SPRY3: variants seen among roughly 807,000 people sequenced by gnomAD.
SPRY3 encodes the protein sprouty RTK signaling antagonist 3, also known as protein sprouty homolog 3.
SPRY3 carries 15 observed loss-of-function variants against 20.2 expected under a neutral mutation model. The ratio of observed to expected loss-of-function variants is 0.74; its 90% confidence interval spans 0.50 to 1.14. The LOEUF (loss-of-function observed/expected upper bound fraction) is 1.14. Among genes scored for constraint, SPRY3 ranks in the 50% most tolerant of loss-of-function variants. SPRY3 has a pLI of 0.00. For missense variants in SPRY3, 364 were observed against 363.9 expected (o/e 1.00, Z 0.00); for synonymous variants, 143 against 136.5 (o/e 1.05, Z -0.33).
At chrX:155,658,834 C>T (rs2067999957) in intron 2 of SPRY3, among the ~76,000 whole-genome samples, 1 of 111,725 alleles carries the variant, frequency 9.0e-6, no homozygotes, top group Admixed American at 9.5e-5. Context: ...TTATATATGG[C>T]TTTAATTATT....
chrX:155,637,980 T>G (rs1220077817), intron 1 of SPRY3, among the ~76,000 whole-genome samples: 20 of 108,014 alleles, frequency 1.9e-4, no homozygotes, highest in Non-Finnish European at 3.3e-4. Context: ...AGGGTTGTTT[T>G]TTTTTTTTTT....
intron 2 of SPRY3, among the ~76,000 whole-genome samples, chrX:155,752,236 A>G (rs1342602003): frequency 6.6e-6 from 1 of 151,520 alleles, no homozygotes; most frequent in Non-Finnish European, 1.5e-5. Context: ...GCTCTATTGG[A>G]TCGCTAACTC....
At chrX:155,631,773 A>G (rs781833763) in intron 1 of SPRY3, among the ~76,000 whole-genome samples, 2 of 109,958 alleles carry the variant, frequency 1.8e-5, no homozygotes, top group South Asian at 7.6e-4. Flanking sequence ...TTTATTTTTT[A>G]TTGTTAATTT....
downstream of SPRY3, chrX:155,781,071 G>A (rs2091460383): frequency 6.0e-6 from 1 of 166,090 alleles, no homozygotes; most frequent in Non-Finnish European, 1.5e-5. Context: ...GTCGGGGGAG[G>A]AGAAAGGGAG....
intron 2 of SPRY3, among the ~76,000 whole-genome samples, chrX:155,751,930 A>AAATAAAATAAAATAAAAT (rs2091264256): frequency 3.8e-5 from 1 of 26,424 alleles, no homozygotes. Flanking sequence ...AAGGGAAATA[A>AAATAAAATAAAATAAAAT]AATAAAATAA....
chrX:155,672,073 G>T (rs187473955), intron 2 of SPRY3, among the ~76,000 whole-genome samples: 2 of 111,681 alleles, frequency 1.8e-5, no homozygotes, highest in East Asian at 5.7e-4. Flanking sequence ...TTTGAAGTCA[G>T]GTAGCATGAT....
At chrX:155,722,557 C>A (rs977938099) in intron 2 of SPRY3, among the ~76,000 whole-genome samples, 16 of 151,844 alleles carry the variant, frequency 1.1e-4, no homozygotes, top group African/African-American at 3.9e-4. Context: ...GAAATTAAAT[C>A]ATATTAACCG....
At chrX:155,680,332 A>G (rs2068070925) in intron 2 of SPRY3, among the ~76,000 whole-genome samples, 1 of 109,753 alleles carries the variant, frequency 9.1e-6, no homozygotes, top group Non-Finnish European at 1.9e-5. Context: ...AACCAGTCTT[A>G]AGGTTACTAA....
chrX:155,642,524 G>T (rs2067945434), intron 1 of SPRY3, among the ~76,000 whole-genome samples: 1 of 109,954 alleles, frequency 9.1e-6, no homozygotes, highest in South Asian at 3.8e-4. Flanking sequence ...ACTAATTTGG[G>T]GTATGGTTTA....
intron 2 of SPRY3, among the ~76,000 whole-genome samples, chrX:155,662,508 C>A (rs1053633231): frequency 9.1e-6 from 1 of 109,808 alleles, no homozygotes; most frequent in Non-Finnish European, 1.9e-5. Flanking sequence ...TGCAGCTTTA[C>A]TTCCAGGCCA....
At chrX:155,761,331 A>T (rs2091303160) in intron 2 of SPRY3, among the ~76,000 whole-genome samples, 1 of 151,906 alleles carries the variant, frequency 6.6e-6, no homozygotes, top group South Asian at 2.1e-4. Context: ...TTCTTCACTG[A>T]TTCTTCTTAT....
chrX:155,705,053 G>C (rs2090940640), intron 2 of SPRY3, among the ~76,000 whole-genome samples: 1 of 151,454 alleles, frequency 6.6e-6, no homozygotes, highest in Non-Finnish European at 1.5e-5. Context: ...ACTAAAATGT[G>C]GGACTACACA....
intron 2 of SPRY3, among the ~76,000 whole-genome samples, chrX:155,759,046 T>C (rs1170870740): frequency 1.3e-5 from 2 of 152,024 alleles, no homozygotes; most frequent in African/African-American, 4.8e-5. Context: ...GCCGTTTCTC[T>C]GCTCTCAATG....
At chrX:155,709,206 G>T (rs2090970663) in intron 2 of SPRY3, among the ~76,000 whole-genome samples, 2 of 151,544 alleles carry the variant, frequency 1.3e-5, no homozygotes, top group South Asian at 4.1e-4. Flanking sequence ...TTGCTGGATT[G>T]TATGGTAGCT....
At chrX:155,765,111 ACCT>A (rs1190964068) in intron 2 of SPRY3, among the ~76,000 whole-genome samples, 1 of 152,160 alleles carries the variant, frequency 6.6e-6, no homozygotes, top group Non-Finnish European at 1.5e-5. Context: ...CAAAGGCCCC[ACCT>A]CCTAATATTA....
At chrX:155,622,835 A>G (rs886486693) in intron 1 of SPRY3, among the ~76,000 whole-genome samples, 9 of 112,394 alleles carry the variant, frequency 8.0e-5, no homozygotes, top group Non-Finnish European at 1.1e-4. Flanking sequence ...GGGACCATAA[A>G]GAAACATTTA....
chrX:155,754,250 T>G (rs1363871677), intron 2 of SPRY3, among the ~76,000 whole-genome samples: 7 of 151,980 alleles, frequency 4.6e-5, no homozygotes, highest in Non-Finnish European at 1.0e-4. Flanking sequence ...TGATTTTGAG[T>G]TAATTTTTTG....
At chrX:155,713,190 C>A (rs1257819167) in intron 2 of SPRY3, among the ~76,000 whole-genome samples, 1 of 151,922 alleles carries the variant, frequency 6.6e-6, no homozygotes, top group Non-Finnish European at 1.5e-5. Flanking sequence ...TTTGCTGCAC[C>A]TATCAACCCG....
chrX:155,736,908 C>T (rs1210945480), intron 2 of SPRY3, among the ~76,000 whole-genome samples: 1 of 151,970 alleles, frequency 6.6e-6, no homozygotes, highest in Non-Finnish European at 1.5e-5. Flanking sequence ...CGATTTTCAG[C>T]TTGGGAAGCT....
Sources: gnomAD v4.1 joint callset for allele counts (sites outside exome capture counted in the v4.1 genomes callset) on GRCh38, gnomAD v4.1.1 for gene constraint, MANE v1.5 for transcripts, NCBI Gene and HGNC (gene_info 2026-07-23, HGNC 2026-07-21) for gene names.